MCM2: variants seen among roughly 807,000 people sequenced by gnomAD.
MCM2 encodes minichromosome maintenance complex component 2, also known as DNA replication licensing factor MCM2.
MCM2 carries 49 observed loss-of-function variants against 86.4 expected under a neutral mutation model. The ratio of observed to expected loss-of-function variants is 0.57; its 90% CI spans 0.45 to 0.72. The LOEUF is 0.72. Among genes scored for constraint, MCM2 ranks in the 30% least tolerant of loss-of-function variants. The pLI is 0.00. For missense variants in MCM2, 1,038 were observed against 1,259.9 expected, an observed-to-expected ratio of 0.82 and a Z score of 2.67; for synonymous variants, 475 against 484.6, an observed-to-expected ratio of 0.98 and a Z score of 0.26.
At chr3:127,608,721 C>CT in intron 7 of MCM2, 111 bp from the exon 8 acceptor site, 1 of 1,237,970 alleles carries the variant, frequency 8.1e-7, no homozygotes, top group African/African-American at 1.5e-5. Context: ...AGTTACTTAT[C>CT]TTGGTGTCTG....
chr3:127,615,545 TGACA>T (rs1576418445), intron 8 of MCM2, among the ~76,000 whole-genome samples: 1 of 152,226 alleles, frequency 6.6e-6, no homozygotes, highest in Non-Finnish European at 1.5e-5. Flanking sequence ...GCCAGTGCCA[TGACA>T]GACCTGGTTC....
chr3:127,608,874 A>T lies in MCM2; in HGVS notation c.1279A>T (p.Asn427Tyr). Residue 427 changes from asparagine (N) to tyrosine (Y), a missense_variant, in exon 8 of 16, where the codon AAC becomes TAC. Physicochemically the swap from Asn to Tyr is moderately radical, Grantham distance 143. Transcript: ENST00000265056. ...TCACAACAACTATGATGGCTCCCTC[A>T]ACACTGCCAATGGCTTCCCTGTCTT... ...IYHNNYDGSL[N>Y]TANGFPVFAT... 1 of 1,614,164 alleles carries T rather than the reference A, an allele frequency of 6.2e-7. No homozygotes were observed. The highest frequency in any genetic ancestry group is 8.5e-7 in the Non-Finnish European group (1 of 1,180,030).
intron 1 of MCM2, 116 bp downstream of exon 1, chr3:127,598,588 C>G: frequency 7.5e-7 from 1 of 1,339,072 alleles, no homozygotes; most frequent in South Asian, 1.5e-5. Context: ...GGGCCCCAGG[C>G]TCTGGGGCGC....
Position 127,608,909 on chromosome 3 carries a change from C to T in MCM2, c.1314C>T (p.Val438=). 1.9e-6 allele frequency: 3 copies of T among 1,614,174 alleles called. No individual in the cohort carries two copies. In the South Asian group the frequency reaches 3.3e-5, roughly 18 times the overall value. The change falls in exon 8 of 16, where the codon GTC becomes GTT. Residue 438 remains valine (V), a synonymous_variant. Transcript: ENST00000265056. The part of the protein sequence containing the change: ...TANGFPVFAT[V]ILANHVAKKD... ...ATGGCTTCCCTGTCTTTGCCACTGT[C>T]ATCCTAGCCAACCACGTGGCCAAGA...
rs561286321 is a variant in MCM2 at position 127,611,434 on chromosome 3, C to T, written c.1428+2411C>T. 9.2e-5 allele frequency among the ~76,000 whole-genome samples: 14 copies of T among 152,294 alleles called. No homozygotes were observed. The South Asian group carries it at 2.9e-3, about 32-fold the overall frequency. ...AAGAGGTGAGAGACCCATAGGTGAG[C>T]GTGTGGCGGGCATGGCATGCCTGGG... On this transcript the variant is annotated intron_variant, in intron 8 of 15. Transcript: ENST00000265056.
rs755267976 is a variant in MCM2, at chr3:127,620,871, C to G, written c.2439C>G (p.Ser813Arg). 2 of 1,606,274 alleles carry G rather than the reference C, an allele frequency of 1.2e-6. No individual in the cohort carries two copies. Among genetic ancestry groups the G allele is most frequent in the Non-Finnish European group, 1.7e-6 (2 of 1,174,858 alleles). ...CACAGAAGTTCAGCGTCATGCGCAG[C>G]ATGCGCAAGGTGGGTGTGCTCCGAG... is the stretch of plus-strand genomic sequence containing the variant. The part of the protein sequence containing the change: ...IDTQKFSVMR[S>R]MRKTFARYLS... Residue 813 changes from serine (S) to arginine (R), a missense_variant, in exon 14 of 16, where the codon AGC (serine) becomes AGG (arginine). Physicochemically the swap from Ser to Arg is moderately radical, Grantham distance 110 (BLOSUM62 -1). Transcript: ENST00000265056.
chr3:127,600,455 C>G (rs959327986), intron 2 of MCM2, among the ~76,000 whole-genome samples: 2 of 152,160 alleles, frequency 1.3e-5, no homozygotes, highest in African/African-American at 4.8e-5. Flanking sequence ...CGTGGAGATG[C>G]TCCTTTTGTG....
Position 127,617,344 on chromosome 3 carries a change from G to C in MCM2, c.1839G>C (p.Lys613Asn). ...AMEQQSISIS[K>N]AGIVTSLQAR... ...AGCAACAGAGCATCTCCATCTCGAA[G>C]GCTGGCATCGTCACCTCCCTGCAGG... The change falls in exon 11 of 16, where the codon AAG becomes AAC. Residue 613 changes from lysine to asparagine, a missense_variant. Lys to Asn is a moderately conservative substitution (Grantham distance 94). Transcript: ENST00000265056. This position sits in a 1 kb window ranked among gnomAD's most constrained non-coding sequence, Gnocchi z 4.1. The C allele has an allele frequency of 6.2e-7, 1 of 1,614,120 alleles. No individual in the cohort carries two copies. Among genetic ancestry groups the C allele is most frequent in the Non-Finnish European group, 8.5e-7 (1 of 1,180,006 alleles).
chr3:127,599,722 CTT>C (rs937933418), intron 2 of MCM2, among the ~76,000 whole-genome samples, 175 bp downstream of exon 2: 5 of 152,190 alleles, frequency 3.3e-5, no homozygotes, highest in Admixed American at 3.3e-4. Context: ...ACACAGGTCT[CTT>C]TAACTTACTG....
chr3:127,617,652 G>A lies in MCM2; in HGVS notation c.1900+247G>A, dbSNP rs2074443712. On this transcript the variant is annotated intron_variant, in intron 11 of 15. Coordinates refer to ENST00000265056, the MANE Select transcript of MCM2 (RefSeq NM_004526.4). The surrounding 1 kb of genome is among the most constrained non-coding windows in gnomAD (Gnocchi z 4.1). The stretch of plus-strand genomic sequence containing the variant: ...TGTTCTCAGAAGGCATGGGAGGAGA[G>A]CCCAGTGCCCCTCTGGCCAGGATGG... 1 of 605,948 alleles carries A rather than the reference G, an allele frequency of 1.7e-6. No individual in the cohort carries two copies. The highest frequency in any genetic ancestry group is 2.9e-6 in the Non-Finnish European group (1 of 345,902). 37.5% of individuals were successfully genotyped at this position (605,948 alleles called of 1,614,324 possible).
intron 15 of MCM2, 82 bp from the exon 16 acceptor site, chr3:127,621,581 G>C (rs1192703288): frequency 8.1e-6 from 7 of 868,208 alleles, no homozygotes; most frequent in Non-Finnish European, 1.3e-5. Context: ...GATGGTGTCT[G>C]AAAGTGCACT....
intron 8 of MCM2, among the ~76,000 whole-genome samples, chr3:127,611,614 C>G (rs191836964): frequency 1.3e-5 from 2 of 150,670 alleles, no homozygotes; most frequent in African/African-American, 4.9e-5. Context: ...CCTCACTTGT[C>G]CCCAGCTGAC....
Position 127,609,940 on chromosome 3 carries a change from G to A in MCM2, c.1428+917G>A, listed in dbSNP as rs1184959236. Among the ~76,000 whole-genome samples the A allele has an allele frequency of 2.8e-5, 4 of 143,416 alleles. No homozygotes were observed. The South Asian group carries it at 9.0e-4, about 32-fold the overall frequency. The allele number at this position is 143,416 out of a possible 152,430, so 94.1% of individuals were successfully genotyped here. ...GCTCACTACAGCCTCTGCCTCCTGG[G>A]TTCAAGCGATTCTTGTGCCTCAGCC... On this transcript the variant is annotated intron_variant, in intron 8 of 15. Transcript: ENST00000265056.
chr3:127,621,815 G>T lies in MCM2; in HGVS notation c.*42G>T. ...TAAGGATTCCTTGGGATTCTGGTTT[G>T]GGGTGGTCAGTGCCCTCTGTGCTTT... On this transcript the variant is annotated 3_prime_UTR_variant, in exon 16 of 16. Coordinates refer to ENST00000265056, the MANE Select transcript of MCM2 (RefSeq NM_004526.4). The T allele has an allele frequency of 6.6e-7, 1 of 1,512,710 alleles. No individual in the cohort carries two copies. Among genetic ancestry groups the T allele is most frequent in the Non-Finnish European group, 9.2e-7 (1 of 1,092,056 alleles). 93.7% of individuals were successfully genotyped at this position (1,512,710 alleles called of 1,614,324 possible).
intron 13 of MCM2, 31 bp downstream of exon 13, chr3:127,619,309 A>G (rs764062063): frequency 1.3e-6 from 2 of 1,599,942 alleles, no homozygotes; most frequent in South Asian, 2.2e-5. Context: ...GGGAGGTGCT[A>G]TGCAGAGAAG....
chr3:127,608,230 G>T, intron 6 of MCM2, 152 bp from the exon 7 acceptor site: 1 of 935,172 alleles, frequency 1.1e-6, no homozygotes, highest in East Asian at 2.4e-5. Context: ...CAACTGATGT[G>T]CTGAGTCGCC....
intron 8 of MCM2, among the ~76,000 whole-genome samples, chr3:127,611,207 G>C (rs537748372): frequency 2.0e-5 from 3 of 152,192 alleles, no homozygotes; most frequent in African/African-American, 7.2e-5. Flanking sequence ...CCAGATGTTT[G>C]AGCTAATTTC....
rs1015155517 is a variant in MCM2 at position 127,604,758 on chromosome 3, C to T, written c.387C>T (p.Gly129=). 1.2e-6 allele frequency: 2 copies of T among 1,600,402 alleles called. No homozygotes were observed. Among genetic ancestry groups the T allele is most frequent in the South Asian group, 1.1e-5 (1 of 89,994 alleles). Reference sequence around the variant, plus strand: ...ACCGGGAGGCTGGCCGGGGCCTGGGCCGCATGCGCCGTGGGCTCCTGTATG... The same window carrying T: ...ACCGGGAGGCTGGCCGGGGCCTGGGTCGCATGCGCCGTGGGCTCCTGTATG... ...QRDREAGRGL[G]RMRRGLLYDS... is the part of the protein sequence containing the mutation. Residue 129 remains glycine (G), a synonymous_variant, in exon 3 of 16, where the codon GGC becomes GGT. Transcript: ENST00000265056.
At position 127,604,957 on chromosome 3, in the gene MCM2, GGAGGACGGC is replaced by G. The variant is rs2107687486; in HGVS notation, c.480_488del (p.Asp160_Glu162del). The stretch of plus-strand genomic sequence containing the variant: ...AGCGCCGCCAGGTGGAGCGGGCCAC[GGAGGACGGC>G]GAGGAGGACGAGGAGATGATCGAGA... On this transcript the variant is annotated inframe_deletion, in exon 4 of 16. Coordinates refer to ENST00000265056, the MANE Select transcript of MCM2 (RefSeq NM_004526.4). 1 of 1,606,594 alleles carries G rather than the reference GGAGGACGGC, an allele frequency of 6.2e-7. No individual in the cohort carries two copies. The highest frequency in any genetic ancestry group is 2.2e-5 in the East Asian group (1 of 44,820).
Sources: allele counts gnomAD v4.1 joint callset (sites outside exome capture counted in the v4.1 genomes callset), GRCh38; gene constraint gnomAD v4.1.1; non-coding constraint Gnocchi (gnomAD v3.1); transcripts MANE v1.5; gene names NCBI Gene and HGNC (gene_info 2026-07-23, HGNC 2026-07-21).